The following STXBP5L variants were observed in gnomAD, a reference collection of about 807,000 sequenced individuals.
The protein encoded by STXBP5L is syntaxin-binding protein 5-like.
A neutral mutation model predicts 144.5 loss-of-function variants in STXBP5L; 65 were observed. That is an observed-to-expected ratio of 0.45 (90% CI 0.37 to 0.55). The LOEUF is 0.55. Ranked by LOEUF, STXBP5L falls within the 20% of genes least tolerant of loss-of-function variation. The pLI, the probability that STXBP5L is intolerant of heterozygous loss-of-function variation, is 0.00. For synonymous variants in STXBP5L, 505 were observed against 469.6 expected (o/e 1.08, Z -0.97); for missense variants, 1,298 against 1,405.5 (o/e 0.92, Z 1.22).
At chr3:121,299,710 G>T (rs1381392200) in intron 19 of STXBP5L, among the ~76,000 whole-genome samples, 2 of 151,988 alleles carry the variant, frequency 1.3e-5, no homozygotes, top group East Asian at 3.8e-4. Flanking sequence ...AAAAAGGCCA[G>T]GCATGGTGGT....
chr3:121,411,159 T>TA (rs1228050356), intron 23 of STXBP5L, among the ~76,000 whole-genome samples: 1 of 152,128 alleles, frequency 6.6e-6, no homozygotes, highest in Non-Finnish European at 1.5e-5. Context: ...GTGTGTAATT[T>TA]ACGTTTACAG....
chr3:121,399,347 G>A (rs2046814198), intron 22 of STXBP5L, among the ~76,000 whole-genome samples: 1 of 152,112 alleles, frequency 6.6e-6, no homozygotes, highest in Non-Finnish European at 1.5e-5. Context: ...CTGGATTCAA[G>A]CCCCCATGAT....
chr3:121,183,637 GGAAA>G (rs1020996913), intron 9 of STXBP5L, among the ~76,000 whole-genome samples: 16 of 149,268 alleles, frequency 1.1e-4, no homozygotes, highest in East Asian at 9.9e-4. Context: ...GAGGGAGGAA[GGAAA>G]GAAAGAAAAA....
chr3:121,288,632 T>C (rs1481354076), intron 19 of STXBP5L, among the ~76,000 whole-genome samples: 5 of 152,324 alleles, frequency 3.3e-5, no homozygotes, highest in East Asian at 3.9e-4. Flanking sequence ...TGGAATCATG[T>C]GTGTCTTCTT....
intron 3 of STXBP5L, among the ~76,000 whole-genome samples, chr3:121,002,651 G>T (rs1559981905): frequency 6.6e-6 from 1 of 151,688 alleles, no homozygotes; most frequent in African/African-American, 2.4e-5. Flanking sequence ...TTTCTTTTAA[G>T]AGATTAACTT....
chr3:121,316,698 G>GTATTGAAT (rs1559969021), intron 19 of STXBP5L, among the ~76,000 whole-genome samples: 5 of 152,138 alleles, frequency 3.3e-5, no homozygotes, highest in Non-Finnish European at 7.4e-5. Flanking sequence ...AAGAGCGTGT[G>GTATTGAAT]GCACAGTAGG....
chr3:121,006,303 G>T (rs1046481828), intron 3 of STXBP5L, among the ~76,000 whole-genome samples: 1 of 152,114 alleles, frequency 6.6e-6, no homozygotes, highest in Non-Finnish European at 1.5e-5. Context: ...TTACCATTAT[G>T]TAATGGCCTT....
intron 5 of STXBP5L, among the ~76,000 whole-genome samples, chr3:121,061,518 G>C (rs928437959): frequency 1.3e-5 from 2 of 152,154 alleles, no homozygotes; most frequent in South Asian, 2.1e-4. Context: ...ATCAAGTCCT[G>C]AACATCCTTG....
At chr3:121,258,023 G>C (rs1156620688) in intron 17 of STXBP5L, among the ~76,000 whole-genome samples, 1 of 152,090 alleles carries the variant, frequency 6.6e-6, no homozygotes, top group Non-Finnish European at 1.5e-5. Flanking sequence ...TCTACTACAA[G>C]AGTTCTATAT....
chr3:120,914,140 G>C (rs915390327), intron 2 of STXBP5L, among the ~76,000 whole-genome samples: 1 of 151,944 alleles, frequency 6.6e-6, no homozygotes, highest in Admixed American at 6.5e-5. Context: ...ATTTTTAAAT[G>C]ATCTTTTTGG....
chr3:121,306,547 G>A (rs528243271), intron 19 of STXBP5L, among the ~76,000 whole-genome samples: 91 of 152,276 alleles, frequency 6.0e-4, no homozygotes, highest in Non-Finnish European at 9.3e-4. Context: ...GCCCAGGAAA[G>A]AAATGCGGTC....
At chr3:121,237,470 T>C (rs539650152) in intron 12 of STXBP5L, among the ~76,000 whole-genome samples, 2 of 152,302 alleles carry the variant, frequency 1.3e-5, no homozygotes, top group East Asian at 1.9e-4. Flanking sequence ...ATGGGATGGG[T>C]GGCCTCAAAG....
At chr3:121,039,829 C>T (rs1490667509) in intron 3 of STXBP5L, among the ~76,000 whole-genome samples, 1 of 151,974 alleles carries the variant, frequency 6.6e-6, no homozygotes, top group East Asian at 1.9e-4. Context: ...TGTTCTTTCT[C>T]TACCCCTCAG....
intron 9 of STXBP5L, among the ~76,000 whole-genome samples, chr3:121,179,526 G>A (rs1004665864): frequency 6.6e-6 from 1 of 151,948 alleles, no homozygotes; most frequent in African/African-American, 2.4e-5. Flanking sequence ...GACAAAACAG[G>A]GTTCTCTAAT....
At chr3:121,374,506 G>A (rs1424531465) in intron 20 of STXBP5L, among the ~76,000 whole-genome samples, 2 of 151,924 alleles carry the variant, frequency 1.3e-5, no homozygotes, top group African/African-American at 2.4e-5. Flanking sequence ...TTAAAATAAC[G>A]ATCTTAAGGA....
intron 23 of STXBP5L, among the ~76,000 whole-genome samples, chr3:121,411,933 G>A (rs1008609780): frequency 6.6e-6 from 1 of 152,148 alleles, no homozygotes; most frequent in African/African-American, 2.4e-5. Flanking sequence ...TGTCATTGTA[G>A]GAACATGTGA....
At chr3:121,015,094 T>C (rs1408338026) in intron 3 of STXBP5L, among the ~76,000 whole-genome samples, 1 of 152,116 alleles carries the variant, frequency 6.6e-6, no homozygotes, top group Non-Finnish European at 1.5e-5. Flanking sequence ...TCCAAATTGC[T>C]AGAGATTCAA....
intron 9 of STXBP5L, among the ~76,000 whole-genome samples, chr3:121,196,252 C>T (rs1179144582): frequency 1.3e-5 from 2 of 151,572 alleles, no homozygotes; most frequent in African/African-American, 2.4e-5. Flanking sequence ...CTCTGCCTCC[C>T]GGGTTCAAGC....
At chr3:120,957,447 A>C (rs1363710285) in intron 3 of STXBP5L, among the ~76,000 whole-genome samples, 1 of 151,828 alleles carries the variant, frequency 6.6e-6, no homozygotes, top group Non-Finnish European at 1.5e-5. Flanking sequence ...TTGATTTGTG[A>C]GTATTTTGTT....
Sources: gnomAD v4.1 joint callset for allele counts (sites outside exome capture counted in the v4.1 genomes callset) on GRCh38, gnomAD v4.1.1 for gene constraint, MANE v1.5 for transcripts, NCBI Gene and HGNC (gene_info 2026-07-23, HGNC 2026-07-21) for gene names.